The following ATG10 variants were observed in gnomAD, a reference collection of about 807,000 sequenced individuals.
The protein encoded by ATG10 is ubiquitin-like-conjugating enzyme ATG10.
ATG10 carries 30 observed loss-of-function variants against 32.1 expected under a neutral mutation model. The ratio of observed to expected loss-of-function variants is 0.94; its 90% CI spans 0.70 to 1.27. The LOEUF is 1.27. ATG10 is among the 50% of genes most tolerant of loss of function. The probability of loss-of-function intolerance (pLI) is 0.00; values close to 1 mark genes in which losing one functional copy is unlikely to be tolerated. For synonymous variants in ATG10, 87 were observed against 91.5 expected (o/e 0.95, Z 0.28); for missense variants, 233 against 262.3 (o/e 0.89, Z 0.77).
intron 2 of ATG10, among the ~76,000 whole-genome samples, chr5:82,049,485 G>A (rs1265412434): frequency 6.6e-6 from 1 of 151,816 alleles, no homozygotes; most frequent in African/African-American, 2.4e-5. Flanking sequence ...CACCAGCATG[G>A]CACATGTATG....
chr5:82,169,531 A>C, intron 4 of ATG10, among the ~76,000 whole-genome samples: 1 of 151,590 alleles, frequency 6.6e-6, no homozygotes, highest in Admixed American at 6.6e-5. Flanking sequence ...AAGTATTTTA[A>C]GACTGGGGCA....
intron 5 of ATG10, among the ~76,000 whole-genome samples, chr5:82,205,335 C>G (rs903472498): frequency 6.6e-6 from 1 of 152,052 alleles, no homozygotes; most frequent in African/African-American, 2.4e-5. Flanking sequence ...TAGGGTGATT[C>G]TTGCAGAGGG....
chr5:82,036,804 A>T (rs1173595869), intron 2 of ATG10, among the ~76,000 whole-genome samples: 1 of 151,930 alleles, frequency 6.6e-6, no homozygotes, highest in African/African-American at 2.4e-5. Context: ...TTTCCTGGAT[A>T]TTTGACATAT....
chr5:82,123,239 T>C (rs1766120029), intron 3 of ATG10, among the ~76,000 whole-genome samples: 1 of 152,204 alleles, frequency 6.6e-6, no homozygotes, highest in East Asian at 1.9e-4. Flanking sequence ...TGGAGGCTAT[T>C]ATCCTTAGCA....
intron 3 of ATG10, among the ~76,000 whole-genome samples, chr5:82,128,442 T>C (rs1174988702): frequency 4.6e-5 from 7 of 152,168 alleles, no homozygotes; most frequent in African/African-American, 1.4e-4. Flanking sequence ...TTCCTTTCCA[T>C]ATTTAGTGCT....
chr5:82,150,341 C>G (rs1345134915), intron 3 of ATG10, among the ~76,000 whole-genome samples: 3 of 151,882 alleles, frequency 2.0e-5, no homozygotes, highest in African/African-American at 7.3e-5. Context: ...CAGGGTGCTG[C>G]AAGTTAGGCT....
intron 3 of ATG10, among the ~76,000 whole-genome samples, chr5:82,090,312 A>G (rs1176417341): frequency 6.6e-6 from 1 of 152,134 alleles, no homozygotes; most frequent in Non-Finnish European, 1.5e-5. Flanking sequence ...CTGTACACAA[A>G]TTTTTATAGT....
intron 3 of ATG10, among the ~76,000 whole-genome samples, chr5:82,109,947 C>T (rs1422471149): frequency 2.7e-5 from 3 of 112,510 alleles, no homozygotes; most frequent in Admixed American, 1.1e-4. Context: ...ATGCTATCCC[C>T]CATCCCCCCA....
chr5:82,157,266 A>AGTG (rs1163017505), intron 3 of ATG10, among the ~76,000 whole-genome samples: 1 of 152,172 alleles, frequency 6.6e-6, no homozygotes, highest in Non-Finnish European at 1.5e-5. Context: ...CAGTAGTAGT[A>AGTG]GTGATAATAT....
chr5:82,197,446 A>ATCTATCTG (rs1336872271), intron 5 of ATG10, among the ~76,000 whole-genome samples: 4 of 140,106 alleles, frequency 2.9e-5, no homozygotes, highest in African/African-American at 1.1e-4. Context: ...CTATCTATCT[A>ATCTATCTG]TCTATCTGTC....
chr5:82,103,864 A>G (rs1201071667), intron 3 of ATG10, among the ~76,000 whole-genome samples: 1 of 152,152 alleles, frequency 6.6e-6, no homozygotes, highest in Non-Finnish European at 1.5e-5. Context: ...TGACATTTTC[A>G]GTTACTACCT....
At chr5:82,179,859 T>A (rs924496516) in intron 5 of ATG10, among the ~76,000 whole-genome samples, 1 of 152,146 alleles carries the variant, frequency 6.6e-6, no homozygotes, top group African/African-American at 2.4e-5. Context: ...AGTGGTTCTT[T>A]AACAATGACC....
chr5:82,193,848 A>T (rs1722626322), intron 5 of ATG10, among the ~76,000 whole-genome samples: 2 of 152,386 alleles, frequency 1.3e-5, no homozygotes, highest in Admixed American at 6.5e-5. Flanking sequence ...TAAAGAATAG[A>T]AAGGCTAAAT....
rs569151968 is a variant in ATG10, at chr5:82,097,260, A to G, written c.216+38658A>G. 1.3e-4 allele frequency among the ~76,000 whole-genome samples: 20 copies of G among 152,318 alleles called. No individual in the cohort carries two copies. The East Asian group carries it at 3.9e-3, about 29-fold the overall frequency. ...TTTTGTATTGAAATTTAAAATTTAA[A>G]AACACCTTCCTTTTGCCAGAACCCA... On this transcript the variant is annotated intron_variant, in intron 3 of 7. Coordinates refer to ENST00000282185, the MANE Select transcript of ATG10 (RefSeq NM_031482.5).
At chr5:82,140,005 G>A (rs1173442006) in intron 3 of ATG10, among the ~76,000 whole-genome samples, 2 of 124,884 alleles carry the variant, frequency 1.6e-5, no homozygotes, top group Non-Finnish European at 3.5e-5. Flanking sequence ...CTGCCCGGCC[G>A]CCCCTACTGG....
At chr5:82,142,320 C>A (rs989888442) in intron 3 of ATG10, among the ~76,000 whole-genome samples, 1 of 152,026 alleles carries the variant, frequency 6.6e-6, no homozygotes, top group South Asian at 2.1e-4. Context: ...AAGCAGTGTC[C>A]AAGTTTCCTA....
chr5:82,186,678 T>A, intron 5 of ATG10, among the ~76,000 whole-genome samples: 1 of 143,760 alleles, frequency 7.0e-6, no homozygotes, highest in African/African-American at 2.6e-5. Context: ...ACTGCAACCC[T>A]CGCCTCCCAG....
chr5:82,164,314 A>T (rs749095267), intron 3 of ATG10, 85 bp from the exon 4 acceptor site: 16 of 1,301,842 alleles, frequency 1.2e-5, no homozygotes, highest in Non-Finnish European at 1.6e-5. Context: ...TTATTTTGTG[A>T]GAAGAAAATC....
At chr5:82,119,234 T>C (rs1006766242) in intron 3 of ATG10, among the ~76,000 whole-genome samples, 2 of 152,230 alleles carry the variant, frequency 1.3e-5, no homozygotes, top group African/African-American at 4.8e-5. Flanking sequence ...ATGCAGTGTA[T>C]AATCTGTTTT....
Sources: allele counts gnomAD v4.1 joint callset (sites outside exome capture counted in the v4.1 genomes callset), GRCh38; gene constraint gnomAD v4.1.1; transcripts MANE v1.5; gene names NCBI Gene and HGNC (gene_info 2026-07-23, HGNC 2026-07-21).